Variants in ZDHHC3 observed in about 807,000 individuals in gnomAD.
ZDHHC3 encodes zDHHC palmitoyltransferase 3.
In ZDHHC3, 9 loss-of-function variants were observed where a neutral mutation model predicts 30.6. That is an observed-to-expected ratio of 0.29 (90% CI 0.18 to 0.51). ZDHHC3 has a LOEUF of 0.51. Ranked by LOEUF, ZDHHC3 falls within the 20% of genes least tolerant of loss-of-function variation. The pLI is 0.97. For synonymous variants in ZDHHC3, 136 were observed against 140.2 expected, an observed-to-expected ratio of 0.97 and a Z score of 0.21; for missense variants, 246 against 384.2, an observed-to-expected ratio of 0.64 and a Z score of 3.01.
chr3:44,951,359 T>G (rs1575879637), intron 2 of ZDHHC3, among the ~76,000 whole-genome samples: 1 of 152,338 alleles, frequency 6.6e-6, no homozygotes, highest in Admixed American at 6.5e-5. Context: ...GGTACTTGTA[T>G]GTGCACCTGT....
chr3:44,955,946 T>G (rs560123517), intron 2 of ZDHHC3, among the ~76,000 whole-genome samples: 3 of 152,344 alleles, frequency 2.0e-5, no homozygotes, highest in South Asian at 2.1e-4. Context: ...TCTTCATTTT[T>G]GGGGCCAGTT....
rs1376311013 is a variant in ZDHHC3 at position 44,920,919 on chromosome 3, T to C, written c.*5770A>G. On this transcript the variant is annotated 3_prime_UTR_variant, in exon 7 of 7. Transcript: ENST00000424952. ...AAATATTGCAAACAAATCCGATGTA[T>C]AAAAATGGGCTGAGGGCTGCTTTTT... The C allele has an allele frequency of 7.1e-6, 7 of 985,454 alleles. No individual in the cohort carries two copies. The East Asian group carries it at 4.5e-4, about 64-fold the overall frequency. 61.0% of individuals were successfully genotyped at this position (985,454 alleles called of 1,614,324 possible).
chr3:44,942,707 A>G (rs767115613), intron 3 of ZDHHC3, among the ~76,000 whole-genome samples: 5 of 152,232 alleles, frequency 3.3e-5, no homozygotes, highest in Non-Finnish European at 7.3e-5. Flanking sequence ...GGTGACTCAC[A>G]GTTACTCATA....
chr3:44,940,157 T>C (rs1327060941), intron 3 of ZDHHC3, among the ~76,000 whole-genome samples: 19 of 152,020 alleles, frequency 1.2e-4, no homozygotes, highest in Admixed American at 1.2e-3. Context: ...GAAGAAAAAA[T>C]GTGGACCTCC....
In ZDHHC3 at chr3:44,923,124, G is replaced by A. The variant is rs1396647399; in HGVS notation, c.*3565C>T. On this transcript the variant is annotated 3_prime_UTR_variant, in exon 7 of 7. Coordinates refer to ENST00000424952, the MANE Select transcript of ZDHHC3 (RefSeq NM_001135179.2). The stretch of plus-strand genomic sequence containing the variant: ...GGAGTCTCACTCTGTCGCCCAGGCT[G>A]GAGTGCAGTGGTGCGATCTTGGCTC... The A allele has an allele frequency of 1.0e-6, 1 of 965,442 alleles. No homozygotes were observed. The highest frequency in any genetic ancestry group is 1.2e-6 in the Non-Finnish European group (1 of 815,500). The allele number at this position is 965,442 out of a possible 1,614,324, so 59.8% of individuals were successfully genotyped here.
At position 44,959,665 on chromosome 3, in the gene ZDHHC3, T is replaced by C. The variant is rs1392671657; in HGVS notation, c.-24-205A>G. On this transcript the variant is annotated intron_variant, in intron 1 of 6. Transcript: ENST00000424952. This position sits in a 1 kb window ranked among gnomAD's most constrained non-coding sequence, Gnocchi z 4.3. ...GCCTTCTTGAAACAGGGCCTTCACATGACAGATAATAAAAAGGGAGCCTCT... is the reference window on the plus strand; with the variant it reads ...GCCTTCTTGAAACAGGGCCTTCACACGACAGATAATAAAAAGGGAGCCTCT... 5.3e-5 allele frequency among the ~76,000 whole-genome samples: 8 copies of C among 152,176 alleles called. No homozygotes were observed. The highest frequency in any genetic ancestry group is 1.9e-4 in the African/African-American group (8 of 41,436).
rs1700816914 is a variant in ZDHHC3, at chr3:44,924,277, G to A, written c.*2412C>T. On this transcript the variant is annotated 3_prime_UTR_variant, in exon 7 of 7. Coordinates refer to ENST00000424952, the MANE Select transcript of ZDHHC3 (RefSeq NM_001135179.2). ...CTGTCCTGTGTGGAAGCCAGGCTGG[G>A]AACCAATCACTACCCTGCAAATGAT... The A allele has an allele frequency of 3.0e-6, 3 of 985,418 alleles. No homozygotes were observed. The highest frequency in any genetic ancestry group is 3.6e-6 in the Non-Finnish European group (3 of 829,922). The allele number at this position is 985,418 out of a possible 1,614,324, so 61.0% of individuals were successfully genotyped here.
intron 1 of ZDHHC3, among the ~76,000 whole-genome samples, chr3:44,967,635 A>G (rs1705068990): frequency 6.6e-6 from 1 of 152,172 alleles, no homozygotes; most frequent in Non-Finnish European, 1.5e-5. Flanking sequence ...AACACGGTCT[A>G]CTTTCCCTTT....
At chr3:44,931,214 T>C (rs1183857437) in intron 5 of ZDHHC3, among the ~76,000 whole-genome samples, 1 of 152,178 alleles carries the variant, frequency 6.6e-6, no homozygotes, top group Non-Finnish European at 1.5e-5. Flanking sequence ...TAAGAATTCA[T>C]GAAAGAACAT....
In ZDHHC3 at chr3:44,916,807, G is replaced by A. The variant is rs1044252087; in HGVS notation, c.*9882C>T. Reference sequence around the variant, plus strand: ...ACAGGCTTCAAATGGGGTGAATAGAGGGCAGACTCATCCTGGTGGGGTGTG... The same window carrying A: ...ACAGGCTTCAAATGGGGTGAATAGAAGGCAGACTCATCCTGGTGGGGTGTG... On this transcript the variant is annotated 3_prime_UTR_variant, in exon 7 of 7. Transcript: ENST00000424952. The A allele has an allele frequency of 1.5e-4, 23 of 152,212 alleles. No individual in the cohort carries two copies. Among genetic ancestry groups the A allele is most frequent in the African/African-American group, 5.6e-4 (23 of 41,402 alleles). The allele number at this position is 152,212 out of a possible 1,614,324, so 9.4% of individuals were successfully genotyped here. A position where few individuals can be genotyped will look rare whatever the true frequency, so the allele number is the denominator to read the frequency against.
chr3:44,949,452 T>C (rs1402925643), intron 2 of ZDHHC3, among the ~76,000 whole-genome samples: 1 of 152,156 alleles, frequency 6.6e-6, no homozygotes, highest in Non-Finnish European at 1.5e-5. Flanking sequence ...AGTGAGACCC[T>C]ATGTAGGAGG....
Position 44,924,475 on chromosome 3 carries a change from C to T in ZDHHC3, c.*2214G>A. 1.0e-6 allele frequency: 1 copy of T among 985,358 alleles called. No individual in the cohort carries two copies. The highest frequency in any genetic ancestry group is 1.2e-6 in the Non-Finnish European group (1 of 829,914). The allele number at this position is 985,358 out of a possible 1,614,324, so 61.0% of individuals were successfully genotyped here. On this transcript the variant is annotated 3_prime_UTR_variant, in exon 7 of 7. Coordinates refer to ENST00000424952, the MANE Select transcript of ZDHHC3 (RefSeq NM_001135179.2). Reference sequence around the variant, plus strand: ...GCCTATACAAAACCAGAGGCAGAATCCTATAGGATATCTGAAGGAACCCCA... The same window carrying T: ...GCCTATACAAAACCAGAGGCAGAATTCTATAGGATATCTGAAGGAACCCCA...
chr3:44,923,683 G>T lies in ZDHHC3; in HGVS notation c.*3006C>A. ...CCAGGCATGGTAGTACGTGCCTGTA[G>T]CCCTGGATATTCAGGAGGCCAAGGC... On this transcript the variant is annotated 3_prime_UTR_variant, in exon 7 of 7. Coordinates refer to ENST00000424952, the MANE Select transcript of ZDHHC3 (RefSeq NM_001135179.2). 2.6e-6 allele frequency: 2 copies of T among 769,910 alleles called. No individual in the cohort carries two copies. The highest frequency in any genetic ancestry group is 3.2e-6 in the Non-Finnish European group (2 of 633,668). 47.7% of individuals were successfully genotyped at this position (769,910 alleles called of 1,614,324 possible).
rs1700126900 is a variant in ZDHHC3 at position 44,915,835 on chromosome 3, T to C, written c.*10854A>G. The stretch of plus-strand genomic sequence containing the variant: ...GTGACCAGCAAATCCTCTTCCCTTA[T>C]TCTAACTGCTGCCCCCTAGGAGACT... On this transcript the variant is annotated 3_prime_UTR_variant, in exon 7 of 7. Transcript: ENST00000424952. 1 of 152,274 alleles carries C rather than the reference T, an allele frequency of 6.6e-6. No individual in the cohort carries two copies. Among genetic ancestry groups the C allele is most frequent in the African/African-American group, 2.4e-5 (1 of 41,454 alleles). 9.4% of individuals were successfully genotyped at this position (152,274 alleles called of 1,614,324 possible).
chr3:44,940,867 C>T lies in ZDHHC3; in HGVS notation c.431+4301G>A, dbSNP rs190888361. 6.6e-5 allele frequency among the ~76,000 whole-genome samples: 10 copies of T among 152,336 alleles called. No homozygotes were observed. In the East Asian group the frequency reaches 1.7e-3, roughly 26 times the overall value. ...GAGCTGGCCGAGGCTCTCTTGCTCA[C>T]CCTGGGTGATGGCTCAACATGGAAA... On this transcript the variant is annotated intron_variant, in intron 3 of 6. Transcript: ENST00000424952.
At chr3:44,928,877 C>T (rs1188310269) in intron 6 of ZDHHC3, among the ~76,000 whole-genome samples, 1 of 152,194 alleles carries the variant, frequency 6.6e-6, no homozygotes, top group African/African-American at 2.4e-5. Flanking sequence ...CCTCAGGACC[C>T]AGGCATGGCT....
At chr3:44,934,041 CG>C in intron 3 of ZDHHC3, 57 bp from the exon 4 acceptor site, 1 of 1,536,124 alleles carries the variant, frequency 6.5e-7, no homozygotes, top group Non-Finnish European at 9.0e-7. Context: ...GGGAGGGCCC[CG>C]GGGGAACGCA....
intron 3 of ZDHHC3, chr3:44,938,589 G>C (rs761116099): frequency 3.9e-5 from 6 of 152,446 alleles, no homozygotes; most frequent in Non-Finnish European, 7.3e-5. Context: ...CTCTCCACTA[G>C]CTTCTATAAC....
intron 3 of ZDHHC3, among the ~76,000 whole-genome samples, chr3:44,939,942 T>C (rs1208716095): frequency 6.6e-6 from 1 of 151,972 alleles, no homozygotes; most frequent in Non-Finnish European, 1.5e-5. Context: ...TTGGGCCAGG[T>C]GGTATGCAGA....
Sources: allele counts gnomAD v4.1 joint callset (sites outside exome capture counted in the v4.1 genomes callset), GRCh38; gene constraint gnomAD v4.1.1; non-coding constraint Gnocchi (gnomAD v3.1); transcripts MANE v1.5; gene names NCBI Gene and HGNC (gene_info 2026-07-23, HGNC 2026-07-21).